The following ARHGAP18 variants were observed in gnomAD, a reference collection of about 807,000 sequenced individuals.
The protein encoded by ARHGAP18 is Rho GTPase activating protein 18.
In ARHGAP18, 67 loss-of-function variants were observed where a neutral mutation model predicts 86.2. The ratio of observed to expected loss-of-function variants is 0.78; its 90% CI spans 0.64 to 0.95. ARHGAP18 has a LOEUF of 0.95. Among genes scored for constraint, ARHGAP18 ranks in the 40% least tolerant of loss-of-function variants. ARHGAP18 has a pLI of 0.00. For missense variants in ARHGAP18, 691 were observed against 780.4 expected (o/e 0.89, Z 1.37); for synonymous variants, 283 against 280.4 (o/e 1.01, Z -0.09).
chr6:129,657,440 A>AAC (rs1773862729), intron 1 of ARHGAP18, among the ~76,000 whole-genome samples: 1 of 151,012 alleles, frequency 6.6e-6, no homozygotes, highest in African/African-American at 2.5e-5. Context: ...AAAAAAAAAA[A>AAC]AAAAACAACT....
chr6:129,590,218 G>A (rs1488153083), intron 12 of ARHGAP18, among the ~76,000 whole-genome samples: 1 of 152,100 alleles, frequency 6.6e-6, no homozygotes, highest in African/African-American at 2.4e-5. Flanking sequence ...CCTCAATATT[G>A]AGTGACAACT....
At chr6:129,589,297 C>T (rs1247254992) in intron 12 of ARHGAP18, among the ~76,000 whole-genome samples, 1 of 152,134 alleles carries the variant, frequency 6.6e-6, no homozygotes, top group South Asian at 2.1e-4. Flanking sequence ...AAATTTCTTC[C>T]ACCAGATACC....
rs1219662662 is a variant in ARHGAP18 at position 129,633,904 on chromosome 6, T to C, written c.616+138A>G. 4 of 681,864 alleles carry C rather than the reference T, an allele frequency of 5.9e-6. No homozygotes were observed. In the Admixed American group the frequency reaches 9.0e-5, roughly 15 times the overall value. 42.2% of individuals were successfully genotyped at this position (681,864 alleles called of 1,614,324 possible). A position where few individuals can be genotyped will look rare whatever the true frequency, so the allele number is the denominator to read the frequency against. On this transcript the variant is annotated intron_variant, in intron 4 of 14. Transcript: ENST00000368149. ...CAGCTATATGCTCAGCCTCACATAA[T>C]GATCCACTTGAGACCTTACATTAAC...
chr6:129,672,534 T>A (rs2114529165), intron 1 of ARHGAP18, among the ~76,000 whole-genome samples: 1 of 151,046 alleles, frequency 6.6e-6, no homozygotes, highest in Middle Eastern at 3.4e-3. Context: ...TATATTAAGT[T>A]CCATATCTAC....
At chr6:129,645,968 A>C (rs1036339721) in intron 1 of ARHGAP18, among the ~76,000 whole-genome samples, 4 of 152,186 alleles carry the variant, frequency 2.6e-5, no homozygotes, top group Non-Finnish European at 4.4e-5. Flanking sequence ...GTGAATTTCA[A>C]AGGCACTGAT....
intron 1 of ARHGAP18, among the ~76,000 whole-genome samples, chr6:129,651,171 A>AAG (rs142265603): frequency 0.089 from 12,833 of 143,556 alleles, 765 homozygotes; most frequent in African/African-American, 0.19. Context: ...ACAAAGAAGT[A>AAG]AGAGAGGGAT....
chr6:129,597,220 A>C (rs1237602546), intron 12 of ARHGAP18, among the ~76,000 whole-genome samples: 1 of 150,538 alleles, frequency 6.6e-6, no homozygotes, highest in African/African-American at 2.5e-5. Context: ...ATCTTGGCTC[A>C]CTGCCTCCCA....
chr6:129,659,661 G>A lies in ARHGAP18; in HGVS notation c.114-17643C>T, dbSNP rs545948377. Among the ~76,000 whole-genome samples the A allele has an allele frequency of 4.3e-4, 66 of 152,194 alleles. 1 individual carries two copies. Among genetic ancestry groups the A allele is most frequent in the African/African-American group, 1.4e-3 (60 of 41,530 alleles). On this transcript the variant is annotated intron_variant, in intron 1 of 14. Coordinates refer to ENST00000368149, the MANE Select transcript of ARHGAP18 (RefSeq NM_033515.3). ...TCTTTTTTGTATTTTTAGTAGAGAT[G>A]GGGTTTCGGCATGTCGGCCAGGCTG...
intron 1 of ARHGAP18, among the ~76,000 whole-genome samples, chr6:129,642,920 T>C (rs1773499576): frequency 6.6e-6 from 1 of 152,120 alleles, no homozygotes; most frequent in Non-Finnish European, 1.5e-5. Flanking sequence ...GGGTACAAAC[T>C]CATTTATTAG....
chr6:129,611,556 G>GGGAT lies in ARHGAP18; in HGVS notation c.1098_1099insATCC (p.Pro367IlefsTer7). On this transcript the variant is annotated frameshift_variant, in exon 8 of 15. Coordinates refer to ENST00000368149, the MANE Select transcript of ARHGAP18 (RefSeq NM_033515.3). LOFTEE classifies it high-confidence loss of function. ...ACCTTGATTCTAATGGCAGCTCCAG[G>GGGAT]GATCCGTAAGAGGCCTTCTGTTTCC... The GGGAT allele has an allele frequency of 6.2e-7, 1 of 1,613,720 alleles. No homozygotes were observed. The highest frequency in any genetic ancestry group is 1.1e-5 in the South Asian group (1 of 91,066).
chr6:129,685,518 A>G (rs893298487), intron 1 of ARHGAP18, among the ~76,000 whole-genome samples: 2 of 152,136 alleles, frequency 1.3e-5, no homozygotes, highest in African/African-American at 2.4e-5. Flanking sequence ...AAAAAAAAAA[A>G]TTGTGAAATA....
intron 10 of ARHGAP18, among the ~76,000 whole-genome samples, chr6:129,604,834 G>A (rs1157289120): frequency 2.0e-5 from 3 of 152,158 alleles, no homozygotes; most frequent in Non-Finnish European, 4.4e-5. Context: ...CGGACGTAGC[G>A]TTTTACCTCC....
intron 1 of ARHGAP18, among the ~76,000 whole-genome samples, chr6:129,649,814 C>G (rs1370610957): frequency 1.3e-5 from 2 of 151,946 alleles, no homozygotes; most frequent in Admixed American, 1.3e-4. Flanking sequence ...GGCTTTATCA[C>G]TTCTAGAGAA....
rs141056628 is a variant in ARHGAP18, at chr6:129,579,275, T to C, written c.1901-671A>G. ...TTAATATTTAAATAACCTTTACTAATAGAGTTAACAATTCCAGGTTTCTAG... is the reference window on the plus strand; with the variant it reads ...TTAATATTTAAATAACCTTTACTAACAGAGTTAACAATTCCAGGTTTCTAG... On this transcript the variant is annotated intron_variant, in intron 14 of 14. Transcript: ENST00000368149. Among the ~76,000 whole-genome samples the C allele has an allele frequency of 6.2e-3, 939 of 152,250 alleles. 10 individuals are homozygous for C. Among genetic ancestry groups the C allele is most frequent in the African/African-American group, 0.022 (900 of 41,566 alleles).
chr6:129,669,883 GTTTT>G (rs979727155), intron 1 of ARHGAP18, among the ~76,000 whole-genome samples: 9 of 152,102 alleles, frequency 5.9e-5, no homozygotes, highest in African/African-American at 2.2e-4. Context: ...GCAATTTATT[GTTTT>G]ATTTGTACTT....
At chr6:129,688,865 G>C (rs559905026) in intron 1 of ARHGAP18, among the ~76,000 whole-genome samples, 1 of 152,104 alleles carries the variant, frequency 6.6e-6, no homozygotes, top group South Asian at 2.1e-4. Flanking sequence ...GCTGCTACCA[G>C]TGACAATGAT....
intron 1 of ARHGAP18, among the ~76,000 whole-genome samples, chr6:129,694,018 G>A (rs1338979240): frequency 2.0e-5 from 3 of 152,044 alleles, no homozygotes; most frequent in South Asian, 2.1e-4. Context: ...GCATCTTGGC[G>A]CCTGAAAGCA....
chr6:129,628,954 T>C (rs1415847833), intron 5 of ARHGAP18, among the ~76,000 whole-genome samples: 1 of 152,138 alleles, frequency 6.6e-6, no homozygotes, highest in Non-Finnish European at 1.5e-5. Context: ...TACATATAGA[T>C]AGATATAGAA....
intron 1 of ARHGAP18, among the ~76,000 whole-genome samples, chr6:129,658,437 T>C (rs1019497682): frequency 2.0e-5 from 3 of 148,774 alleles, no homozygotes; most frequent in East Asian, 3.9e-4. Context: ...AAAAAAAACA[T>C]AAAAGTGATA....
Sources: allele counts gnomAD v4.1 joint callset (sites outside exome capture counted in the v4.1 genomes callset), GRCh38; gene constraint gnomAD v4.1.1; transcripts MANE v1.5; gene names NCBI Gene and HGNC (gene_info 2026-07-23, HGNC 2026-07-21).